The following ADAM11 variants were observed in gnomAD, a reference collection of about 807,000 sequenced individuals.
ADAM11 encodes the protein ADAM metallopeptidase domain 11.
Under a neutral mutation model 119.1 loss-of-function variants are expected in ADAM11, and 49 were observed. That is an observed-to-expected ratio of 0.41 (90% CI 0.33 to 0.52). ADAM11 has a LOEUF of 0.52. Among genes scored for constraint, ADAM11 ranks in the 20% least tolerant of loss-of-function variants. ADAM11 has a pLI of 0.20. For missense variants in ADAM11, 777 were observed against 1,047.5 expected (o/e 0.74, Z 3.56); for synonymous variants, 364 against 408.0 (o/e 0.89, Z 1.30).
Position 44,776,999 on chromosome 17 carries a change from G to A in ADAM11, c.1681+37G>A. The A allele has an allele frequency of 6.3e-7, 1 of 1,599,890 alleles. No homozygotes were observed. Among genetic ancestry groups the A allele is most frequent in the Non-Finnish European group, 8.6e-7 (1 of 1,169,370 alleles). ...TAGGGCTGGGAGTGGGGACTCCGGA[G>A]GACCCAGAGCTGAGAAGCTGGGGAG... On this transcript the variant is annotated intron_variant, in intron 20 of 26. Coordinates refer to ENST00000200557, the MANE Select transcript of ADAM11 (RefSeq NM_002390.6). The surrounding 1 kb of genome is among the most constrained non-coding windows in gnomAD (Gnocchi z 5.2).
At chr17:44,769,220 G>A (rs1031885032) in intron 2 of ADAM11, among the ~76,000 whole-genome samples, 2 of 152,166 alleles carry the variant, frequency 1.3e-5, no homozygotes, top group African/African-American at 2.4e-5. Context: ...CCACCCATTC[G>A]CCCCTGTCCG....
Position 44,759,136 on chromosome 17 carries a change from C to T in ADAM11, c.-64C>T. 8.7e-7 allele frequency: 1 copy of T among 1,152,476 alleles called. No individual in the cohort carries two copies. Among genetic ancestry groups the T allele is most frequent in the Admixed American group, 4.6e-5 (1 of 21,924 alleles). The allele number at this position is 1,152,476 out of a possible 1,614,324, so 71.4% of individuals were successfully genotyped here. A position where few individuals can be genotyped will look rare whatever the true frequency, so the allele number is the denominator to read the frequency against. ...AGCTGGCGCCTCCCCACCCCCGTCC[C>T]TGCTCCCGCCCTCCCCGCGCCGCTG... is the stretch of plus-strand genomic sequence containing the variant. On this transcript the variant is annotated 5_prime_UTR_variant, in exon 1 of 27. Transcript: ENST00000200557.
chr17:44,769,932 C>T (rs373821756), intron 3 of ADAM11, 50 bp from the exon 4 acceptor site: 144 of 1,610,820 alleles, frequency 8.9e-5, no homozygotes, highest in South Asian at 1.6e-4. Flanking sequence ...GCCTCAAGCC[C>T]GACCTCACCT....
In ADAM11 at chr17:44,776,607, C is replaced by T; in HGVS notation, c.1567-138C>T. 9.1e-7 allele frequency: 1 copy of T among 1,103,010 alleles called. No homozygotes were observed. Among genetic ancestry groups the T allele is most frequent in the African/African-American group, 1.6e-5 (1 of 63,422 alleles). The allele number at this position is 1,103,010 out of a possible 1,614,324, so 68.3% of individuals were successfully genotyped here. ...GGTCTGGGTCCAGAACCAGACAGAT[C>T]GCTTGTCCTAGGCGTGGAAGAGCCC... On this transcript the variant is annotated intron_variant, in intron 18 of 26. Transcript: ENST00000200557. The surrounding 1 kb of genome is among the most constrained non-coding windows in gnomAD (Gnocchi z 5.2).
rs1278149825 is a variant in ADAM11, at chr17:44,774,690, C to T, written c.1169-8C>T. The stretch of plus-strand genomic sequence containing the variant: ...GCCTCCCTCATATCCGCCTGGCTCA[C>T]CCCTCAGGGGACTGCAAGTGTCCAG... On this transcript the variant is annotated splice_polypyrimidine_tract_variant and splice_region_variant and intron_variant, in intron 13 of 26. Coordinates refer to ENST00000200557, the MANE Select transcript of ADAM11 (RefSeq NM_002390.6). 8 of 1,592,764 alleles carry T rather than the reference C, an allele frequency of 5.0e-6. No homozygotes were observed. The highest frequency in any genetic ancestry group is 4.1e-5 in the African/African-American group (3 of 74,058).
At chr17:44,768,856 G>C (rs1413684804) in intron 2 of ADAM11, among the ~76,000 whole-genome samples, 1 of 152,106 alleles carries the variant, frequency 6.6e-6, no homozygotes, top group Non-Finnish European at 1.5e-5. Context: ...CAGTCTTCTG[G>C]AATGAACAAG....
Position 44,775,063 on chromosome 17 carries a change from CG to C in ADAM11, c.1221-146del, listed in dbSNP as rs1292886731. 9.3e-6 allele frequency: 7 copies of C among 751,216 alleles called. No homozygotes were observed. The East Asian group carries it at 1.9e-4, about 20-fold the overall frequency. The allele number at this position is 751,216 out of a possible 1,614,324, so 46.5% of individuals were successfully genotyped here. ...AGGGGATGGGAGCGACAGGGACAGGCGGGAGGATTCTGGTGCAATCCCGGGG... is the reference window on the plus strand; with the variant it reads ...AGGGGATGGGAGCGACAGGGACAGGCGGAGGATTCTGGTGCAATCCCGGGG... On this transcript the variant is annotated intron_variant, in intron 14 of 26. Coordinates refer to ENST00000200557, the MANE Select transcript of ADAM11 (RefSeq NM_002390.6). The surrounding 1 kb of genome is among the most constrained non-coding windows in gnomAD (Gnocchi z 7.5).
chr17:44,772,971 C>G lies in ADAM11; in HGVS notation c.753+40C>G. 1.2e-6 allele frequency: 2 copies of G among 1,613,964 alleles called. No homozygotes were observed. Among genetic ancestry groups the G allele is most frequent in the Non-Finnish European group, 1.7e-6 (2 of 1,179,862 alleles). ...AGGGACAGGGCGTGACACTGGGAGG[C>G]CCCTGAGGAGCCTGGCCCTCCTCCC... is the stretch of plus-strand genomic sequence containing the variant. On this transcript the variant is annotated intron_variant, in intron 9 of 26. Transcript: ENST00000200557. This position sits in a 1 kb window ranked among gnomAD's most constrained non-coding sequence, Gnocchi z 4.5.
chr17:44,767,896 C>T (rs146130513), intron 2 of ADAM11, among the ~76,000 whole-genome samples: 236 of 152,348 alleles, frequency 1.5e-3, no homozygotes, highest in African/African-American at 5.3e-3. Context: ...GCTCGCAGAC[C>T]TCCTGAGTGA....
In ADAM11 at chr17:44,759,006, C is replaced by T. The variant is rs544457368; in HGVS notation, c.-194C>T. The T allele has an allele frequency of 3.9e-4, 62 of 160,306 alleles. 1 individual carries two copies. In the South Asian group the frequency reaches 8.0e-3, roughly 21 times the overall value. The allele number at this position is 160,306 out of a possible 1,614,324, so 9.9% of individuals were successfully genotyped here. A position where few individuals can be genotyped will look rare whatever the true frequency, so the allele number is the denominator to read the frequency against. On this transcript the variant is annotated 5_prime_UTR_variant, in exon 1 of 27. Coordinates refer to ENST00000200557, the MANE Select transcript of ADAM11 (RefSeq NM_002390.6). ...AGCTCTTAACCCGGCCCCGCCGCCCCGCCGGGATGGCCGCGGCCGGAGCGC... is the reference window on the plus strand; with the variant it reads ...AGCTCTTAACCCGGCCCCGCCGCCCTGCCGGGATGGCCGCGGCCGGAGCGC...
In ADAM11 at chr17:44,763,150, C is replaced by T. The variant is rs149172891; in HGVS notation, c.237+3253C>T. 3.5e-3 allele frequency among the ~76,000 whole-genome samples: 533 copies of T among 152,222 alleles called. 3 individuals carry two copies. Among genetic ancestry groups the T allele is most frequent in the Middle Eastern group, 0.031 (9 of 294 alleles). On this transcript the variant is annotated intron_variant, in intron 2 of 26. Coordinates refer to ENST00000200557, the MANE Select transcript of ADAM11 (RefSeq NM_002390.6). ...GATCCTGTCTCACACAATACAACAA[C>T]AACAACAAAAGAACAAGGTAGAGAA...
At position 44,775,212 on chromosome 17, in the gene ADAM11, G is replaced by C; in HGVS notation, c.1221G>C (p.Gly407=). The change falls in exon 15 of 27, where the codon GGG becomes GGC. Residue 407 remains glycine (G), a splice_region_variant and synonymous_variant. Coordinates refer to ENST00000200557, the MANE Select transcript of ADAM11 (RefSeq NM_002390.6). The surrounding 1 kb of genome is among the most constrained non-coding windows in gnomAD (Gnocchi z 7.5). The part of the protein sequence containing the change: ...IWLGCIMEDT[G]FYLPRKFSRC... ...CAGCACCTCCCCTCGCCCTATCCAG[G>C]TTCTACCTGCCCCGCAAGTTCTCGC... The C allele has an allele frequency of 6.2e-7, 1 of 1,613,170 alleles. No homozygotes were observed. The highest frequency in any genetic ancestry group is 8.5e-7 in the Non-Finnish European group (1 of 1,179,486).
intron 12 of ADAM11, 23 bp downstream of exon 12, chr17:44,774,402 TG>T: frequency 6.6e-7 from 1 of 1,526,378 alleles, no homozygotes; most frequent in East Asian, 2.4e-5. Flanking sequence ...GGGACATGGC[TG>T]GGGTGGCGGC....
Position 44,772,349 on chromosome 17 carries a change from G to A in ADAM11, c.610+16G>A, listed in dbSNP as rs760063325. On this transcript the variant is annotated intron_variant, in intron 7 of 26. Transcript: ENST00000200557. This position sits in a 1 kb window ranked among gnomAD's most constrained non-coding sequence, Gnocchi z 4.5. The stretch of plus-strand genomic sequence containing the variant: ...AGGGAACCAGGTAAGGGAGGGAAGG[G>A]GGGGTGGGGAGGGGCCGGCTGTGCC... 1.6e-5 allele frequency: 25 copies of A among 1,588,454 alleles called. No homozygotes were observed. Among genetic ancestry groups the A allele is most frequent in the Non-Finnish European group, 1.0e-5 (12 of 1,166,084 alleles).
At position 44,770,488 on chromosome 17, in the gene ADAM11, T is replaced by TCACCC. The variant is rs1158996609; in HGVS notation, c.381+441_381+442insACCCC. Among the ~76,000 whole-genome samples the TCACCC allele has an allele frequency of 3.2e-3, 194 of 60,242 alleles. 12 individuals are homozygous for TCACCC. The highest frequency in any genetic ancestry group is 0.01 in the African/African-American group (190 of 18,804). The allele number at this position is 60,242 out of a possible 152,430, so 39.5% of individuals were successfully genotyped here. ...AATGAGTGTCTATAAATAGCCTGTCTCCCCCCCCCCCGCCCCCACTGCCTG... is the reference window on the plus strand; with the variant it reads ...AATGAGTGTCTATAAATAGCCTGTCTCACCCCCCCCCCCCCCGCCCCCACTGCCTG... On this transcript the variant is annotated intron_variant, in intron 4 of 26. Coordinates refer to ENST00000200557, the MANE Select transcript of ADAM11 (RefSeq NM_002390.6).
chr17:44,775,718 G>T lies in ADAM11; in HGVS notation c.1485+42G>T. ...GGGAGGCGGGGCCAGGACGCAGGAG[G>T]AGCGATTGGAGGCCTTCATATAAGG... On this transcript the variant is annotated intron_variant, in intron 17 of 26. Coordinates refer to ENST00000200557, the MANE Select transcript of ADAM11 (RefSeq NM_002390.6). The surrounding 1 kb of genome is among the most constrained non-coding windows in gnomAD (Gnocchi z 7.5). The T allele has an allele frequency of 6.5e-7, 1 of 1,534,528 alleles. No individual in the cohort carries two copies. Among genetic ancestry groups the T allele is most frequent in the Non-Finnish European group, 8.8e-7 (1 of 1,142,136 alleles).
intron 24 of ADAM11, 32 bp downstream of exon 24, chr17:44,778,098 C>G: frequency 6.2e-7 from 1 of 1,610,248 alleles, no homozygotes; most frequent in Non-Finnish European, 8.5e-7. Context: ...GGGGGTCTGT[C>G]TGTCCTGCTC....
intron 26 of ADAM11, 155 bp from the exon 27 acceptor site, chr17:44,779,584 T>G (rs1016526156): frequency 3.0e-5 from 30 of 985,252 alleles, no homozygotes; most frequent in Non-Finnish European, 3.5e-5. Context: ...GTCTTCCATA[T>G]CACCACTGTC....
chr17:44,772,302 C>T lies in ADAM11; in HGVS notation c.579C>T (p.Leu193=), dbSNP rs1202123220. 1 of 1,607,374 alleles carries T rather than the reference C, an allele frequency of 6.2e-7. No individual in the cohort carries two copies. Among genetic ancestry groups the T allele is most frequent in the Non-Finnish European group, 8.5e-7 (1 of 1,176,652 alleles). The change falls in exon 7 of 27, where the codon CTC becomes CTT. Residue 193 remains leucine, a synonymous_variant. Transcript: ENST00000200557. This position sits in a 1 kb window ranked among gnomAD's most constrained non-coding sequence, Gnocchi z 4.5. ...CCCACCTCATTTACCGGACCCCTCT[C>T]CTCCCAGATCCCCTCGGATGCAGGG... ...PLPHLIYRTP[L]LPDPLGCREP... is the part of the protein sequence containing the mutation.
Sources: gnomAD v4.1 joint callset for allele counts (sites outside exome capture counted in the v4.1 genomes callset) on GRCh38, gnomAD v4.1.1 for gene constraint, Gnocchi (gnomAD v3.1) non-coding constraint, MANE v1.5 for transcripts, NCBI Gene and HGNC (gene_info 2026-07-23, HGNC 2026-07-21) for gene names.